The following CATSPERT variants were observed in gnomAD, a reference collection of about 807,000 sequenced individuals.
CATSPERT encodes catsper channel auxiliary subunit tau.
At chr2:201,506,211 G>A in the CATSPERT span, among the ~76,000 whole-genome samples, 1 of 152,286 alleles carries the variant, frequency 6.6e-6, no homozygotes, top group South Asian at 2.1e-4. Context: ...AGGTTGCAGT[G>A]AGCCGAGATT....
At chr2:201,493,728 T>C in the CATSPERT span, 1 of 1,537,384 alleles carries the variant, frequency 6.5e-7, no homozygotes, top group Non-Finnish European at 8.7e-7. Flanking sequence ...AGAATATTGG[T>C]GCAGTGAATA....
chr2:201,500,257 G>A, the CATSPERT span, among the ~76,000 whole-genome samples: 1 of 152,042 alleles, frequency 6.6e-6, no homozygotes, highest in African/African-American at 2.4e-5. Context: ...GCTCACACCT[G>A]TAATCTCAGT....
chr2:201,501,395 C>CAAAAAAAAAAA, the CATSPERT span, among the ~76,000 whole-genome samples: 1 of 46,602 alleles, frequency 2.1e-5, no homozygotes, highest in African/African-American at 8.4e-5. Flanking sequence ...AACTCCATCT[C>CAAAAAAAAAAA]AAAAAAAAAA....
the CATSPERT span, among the ~76,000 whole-genome samples, chr2:201,532,972 C>T: frequency 0.032 from 4,844 of 152,228 alleles, 110 homozygotes; most frequent in Non-Finnish European, 0.051. Flanking sequence ...CTCAGCTAGA[C>T]AAAAATTATT....
the CATSPERT span, among the ~76,000 whole-genome samples, chr2:201,545,225 G>A: frequency 6.6e-6 from 1 of 151,770 alleles, no homozygotes; most frequent in Admixed American, 6.6e-5. Context: ...TTTTAGTAGA[G>A]ACAGGGTTCC....
At chr2:201,513,212 A>G in the CATSPERT span, among the ~76,000 whole-genome samples, 43 of 152,300 alleles carry the variant, frequency 2.8e-4, no homozygotes, top group African/African-American at 1.0e-3. Context: ...AATATCCACA[A>G]CCTATAAGGA....
At chr2:201,604,726 A>G in the CATSPERT span, 1 of 1,508,786 alleles carries the variant, frequency 6.6e-7, no homozygotes, top group Admixed American at 2.0e-5. Context: ...AAGATTTGGG[A>G]AGAGAAAGAC....
At chr2:201,526,162 C>A in the CATSPERT span, among the ~76,000 whole-genome samples, 1 of 152,104 alleles carries the variant, frequency 6.6e-6, no homozygotes, top group African/African-American at 2.4e-5. Context: ...GACACAACAA[C>A]AACAACAACA....
the CATSPERT span, among the ~76,000 whole-genome samples, chr2:201,615,126 T>C: frequency 6.6e-6 from 1 of 152,144 alleles, no homozygotes; most frequent in Non-Finnish European, 1.5e-5. Context: ...AACACACCAC[T>C]GTCAACATTA....
chr2:201,544,817 T>A, the CATSPERT span, among the ~76,000 whole-genome samples: 2 of 101,702 alleles, frequency 2.0e-5, no homozygotes, highest in African/African-American at 7.0e-5. Context: ...AAATCCTGTC[T>A]CTACAAAAAA....
chr2:201,487,539 A>T, the CATSPERT span: 3 of 1,372,416 alleles, frequency 2.2e-6, no homozygotes, highest in Non-Finnish European at 3.0e-6. Flanking sequence ...GAGAAGTGAT[A>T]TTCTGACTGC....
At chr2:201,564,664 A>C in the CATSPERT span, among the ~76,000 whole-genome samples, 2 of 152,156 alleles carry the variant, frequency 1.3e-5, no homozygotes, top group Non-Finnish European at 2.9e-5. Context: ...TTATGATAAG[A>C]GACATGAGAG....
chr2:201,569,292 AC>A, the CATSPERT span, among the ~76,000 whole-genome samples: 1 of 152,122 alleles, frequency 6.6e-6, no homozygotes, highest in Admixed American at 6.5e-5. Flanking sequence ...TGCAGGTTAG[AC>A]TTTTGTTCCC....
the CATSPERT span, chr2:201,574,169 G>T: frequency 7.1e-7 from 1 of 1,411,026 alleles, no homozygotes; most frequent in Non-Finnish European, 9.7e-7. Context: ...TTTGACTGAA[G>T]AGTTACAACA....
At chr2:201,538,573 T>C in the CATSPERT span, among the ~76,000 whole-genome samples, 1 of 152,150 alleles carries the variant, frequency 6.6e-6, no homozygotes, top group Non-Finnish European at 1.5e-5. Flanking sequence ...TAATATCTTT[T>C]ATGGTACTCT....
chr2:201,503,400 T>A, the CATSPERT span, among the ~76,000 whole-genome samples: 1 of 152,102 alleles, frequency 6.6e-6, no homozygotes, highest in African/African-American at 2.4e-5. Flanking sequence ...CTGGTAATTT[T>A]AAAATTTAAC....
chr2:201,580,066 C>T, the CATSPERT span, among the ~76,000 whole-genome samples: 1 of 152,050 alleles, frequency 6.6e-6, no homozygotes, highest in African/African-American at 2.4e-5. Context: ...AGACTGGTCT[C>T]CAACTACTGG....
At chr2:201,487,639 C>G in the CATSPERT span, 18 of 1,608,058 alleles carry the variant, frequency 1.1e-5, no homozygotes, top group Non-Finnish European at 1.4e-5. Context: ...TTTTTTTTGG[C>G]CGCATTTTAT....
At chr2:201,566,827 T>C in the CATSPERT span, among the ~76,000 whole-genome samples, 1 of 152,234 alleles carries the variant, frequency 6.6e-6, no homozygotes, top group Non-Finnish European at 1.5e-5. Context: ...ATTTTTAAAA[T>C]CTATTAATTT....
Sources: allele counts gnomAD v4.1 joint callset (sites outside exome capture counted in the v4.1 genomes callset), GRCh38; gene constraint gnomAD v4.1.1; transcripts MANE v1.5; gene names NCBI Gene and HGNC (gene_info 2026-07-23, HGNC 2026-07-21).